Variants in MTMR1 observed in about 807,000 individuals in gnomAD.
MTMR1 encodes myotubularin related protein 1.
Under a neutral mutation model 51.6 loss-of-function variants are expected in MTMR1, and 17 were observed. The observed-to-expected ratio is 0.33, with a 90% CI of 0.23 to 0.49. The LOEUF (loss-of-function observed/expected upper bound fraction) is 0.49. Among genes scored for constraint, MTMR1 ranks in the 20% least tolerant of loss-of-function variants. The probability of loss-of-function intolerance (pLI) is 0.99; values close to 1 mark genes in which losing one functional copy is unlikely to be tolerated. For synonymous variants in MTMR1, 201 were observed against 205.6 expected, an observed-to-expected ratio of 0.98 and a Z score of 0.19; for missense variants, 386 against 526.9, an observed-to-expected ratio of 0.73 and a Z score of 2.62.
intron 13 of MTMR1, among the ~76,000 whole-genome samples, chrX:150,749,713 T>C (rs1021470304): frequency 2.7e-5 from 3 of 112,451 alleles, no homozygotes; most frequent in Admixed American, 9.4e-5. Context: ...ATTACAGTAA[T>C]TGATTTGTTT....
In MTMR1 at chrX:150,730,189, A is replaced by G. The variant is rs1557416924; in HGVS notation, c.636A>G (p.Ala212=). 2 of 1,200,079 alleles carry G rather than the reference A, an allele frequency of 1.7e-6. No homozygotes were observed. The highest frequency in any genetic ancestry group is 2.3e-6 in the Non-Finnish European group (2 of 888,478). ...LGIFENLNKH[A]FPLSNGQALF... ...TATTTGAAAACCTCAACAAACATGCATTTCCTCTTTCTAACGGACAGGTAA... is the reference window on the plus strand; with the variant it reads ...TATTTGAAAACCTCAACAAACATGCGTTTCCTCTTTCTAACGGACAGGTAA... The change falls in exon 7 of 16, where the codon GCA becomes GCG. Residue 212 remains alanine (A), a synonymous_variant. Coordinates refer to ENST00000445323, the MANE Select transcript of MTMR1 (RefSeq NM_001306144.3).
At chrX:150,723,275 C>T (rs2041813518) in intron 4 of MTMR1, among the ~76,000 whole-genome samples, 2 of 111,641 alleles carry the variant, frequency 1.8e-5, no homozygotes, top group African/African-American at 3.3e-5. Context: ...TGGGTTGGTT[C>T]CAAATCTTTG....
chrX:150,726,100 G>A (rs891923054), intron 4 of MTMR1, among the ~76,000 whole-genome samples: 1 of 111,990 alleles, frequency 8.9e-6, no homozygotes, highest in Non-Finnish European at 1.9e-5. Flanking sequence ...ACAGCAGGAG[G>A]TGAGCAGCGG....
intron 9 of MTMR1, among the ~76,000 whole-genome samples, chrX:150,731,837 A>G (rs2042127060): frequency 1.8e-5 from 2 of 112,124 alleles, no homozygotes; most frequent in Non-Finnish European, 3.8e-5. Flanking sequence ...ACTAAGTATA[A>G]GGGGAACTTC....
intron 10 of MTMR1, among the ~76,000 whole-genome samples, chrX:150,733,504 G>T (rs1181020108): frequency 1.8e-5 from 2 of 110,252 alleles, no homozygotes; most frequent in African/African-American, 6.6e-5. Context: ...TGACATCTCT[G>T]CTTGGCTGTT....
chrX:150,759,829 C>T lies in MTMR1; in HGVS notation c.1858-2736C>T, dbSNP rs144172467. 6.2e-3 allele frequency among the ~76,000 whole-genome samples: 675 copies of T among 109,636 alleles called. 14 individuals are homozygous for T. The highest frequency in any genetic ancestry group is 0.021 in the African/African-American group (647 of 30,762). On this transcript the variant is annotated intron_variant, in intron 15 of 15. Transcript: ENST00000445323. ...TCTGTACACACATGATCCCAGTTAA[C>T]GCTCCCAGCAATTCCACGACGTAGA...
chrX:150,713,735 A>G (rs1015239691), intron 3 of MTMR1, among the ~76,000 whole-genome samples: 1 of 112,198 alleles, frequency 8.9e-6, no homozygotes, highest in Non-Finnish European at 1.9e-5. Context: ...TCTATAAAGA[A>G]ATTAAGAACA....
intron 15 of MTMR1, among the ~76,000 whole-genome samples, chrX:150,760,152 G>C (rs1312343828): frequency 4.6e-5 from 5 of 109,052 alleles, no homozygotes; most frequent in African/African-American, 1.6e-4. Context: ...ATGGGCCGCA[G>C]CTTGTTATCC....
chrX:150,723,025 C>A (rs1407728571), intron 4 of MTMR1, among the ~76,000 whole-genome samples: 2 of 102,402 alleles, frequency 2.0e-5, no homozygotes, highest in Non-Finnish European at 4.0e-5. Flanking sequence ...ACAACAGTCC[C>A]CAGAGTGTGA....
rs1878626409 is a variant in MTMR1, at chrX:150,764,221, G to A, written c.*1492G>A. On this transcript the variant is annotated 3_prime_UTR_variant, in exon 16 of 16. Coordinates refer to ENST00000445323, the MANE Select transcript of MTMR1 (RefSeq NM_001306144.3). Reference sequence around the variant, plus strand: ...TTATTATTTTTGAAAATATGTTAAGGGTTTTTTCGTAGAGAGAGAAAGAAT... The same window carrying A: ...TTATTATTTTTGAAAATATGTTAAGAGTTTTTTCGTAGAGAGAGAAAGAAT... The A allele has an allele frequency of 8.9e-6, 1 of 112,128 alleles. No individual in the cohort carries two copies. The highest frequency in any genetic ancestry group is 3.7e-4 in the South Asian group (1 of 2,739). 9.2% of individuals were successfully genotyped at this position (112,128 alleles called of 1,213,427 possible). A position where few individuals can be genotyped will look rare whatever the true frequency, so the allele number is the denominator to read the frequency against.
intron 9 of MTMR1, 140 bp downstream of exon 9, chrX:150,731,759 T>C: frequency 2.1e-6 from 1 of 472,176 alleles, no homozygotes; most frequent in Admixed American, 4.8e-5. Context: ...ATACCTTTGA[T>C]TCTCAACAAA....
rs1455164882 is a variant in MTMR1, at chrX:150,764,269, C to T, written c.*1540C>T. 1.8e-5 allele frequency: 2 copies of T among 112,132 alleles called. No homozygotes were observed. The highest frequency in any genetic ancestry group is 6.5e-5 in the African/African-American group (2 of 30,827). 9.2% of individuals were successfully genotyped at this position (112,132 alleles called of 1,213,427 possible). ...AATGGATTTTTTTTTAACTGGGAACCTCCTGATTCTTACGGAAAATTATCC... is the reference window on the plus strand; with the variant it reads ...AATGGATTTTTTTTTAACTGGGAACTTCCTGATTCTTACGGAAAATTATCC... On this transcript the variant is annotated 3_prime_UTR_variant, in exon 16 of 16. Coordinates refer to ENST00000445323, the MANE Select transcript of MTMR1 (RefSeq NM_001306144.3).
At chrX:150,743,856 A>C (rs2042504257) in intron 12 of MTMR1, among the ~76,000 whole-genome samples, 1 of 112,768 alleles carries the variant, frequency 8.9e-6, no homozygotes, top group Non-Finnish European at 1.9e-5. Context: ...TACCATTTCA[A>C]GATTGAGTTG....
At chrX:150,695,449 G>A (rs1324384128) in intron 1 of MTMR1, among the ~76,000 whole-genome samples, 2 of 112,221 alleles carry the variant, frequency 1.8e-5, no homozygotes, top group African/African-American at 6.5e-5. Flanking sequence ...GTGGAGCGGA[G>A]GAGGGGAGAA....
chrX:150,755,953 A>ATATTAACATACCATACTGACC (rs1368226875), intron 15 of MTMR1, 88 bp downstream of exon 15: 12 of 759,931 alleles, frequency 1.6e-5, no homozygotes, highest in Non-Finnish European at 2.0e-5. Context: ...TTAATGGTAG[A>ATATTAACATACCATACTGACC]TATTAACATA....
chrX:150,707,756 A>T (rs915371735), intron 2 of MTMR1, among the ~76,000 whole-genome samples: 13 of 112,554 alleles, frequency 1.2e-4, no homozygotes, highest in Admixed American at 9.4e-5. Context: ...TTATGTTTGC[A>T]TAAAAACCTG....
chrX:150,698,698 A>G lies in MTMR1; in HGVS notation c.147-497A>G, dbSNP rs782197519. Among the ~76,000 whole-genome samples, 11 of 105,354 alleles carry G rather than the reference A, an allele frequency of 1.0e-4. No individual in the cohort carries two copies. The East Asian group carries it at 2.8e-3, about 26-fold the overall frequency. 91.5% of individuals were successfully genotyped at this position (105,354 alleles called of 115,157 possible). On this transcript the variant is annotated intron_variant, in intron 1 of 15. Coordinates refer to ENST00000445323, the MANE Select transcript of MTMR1 (RefSeq NM_001306144.3). ...CGCGCGCGCACACACACACACACAC[A>G]CACACACACACACACACACACACAC...
At chrX:150,703,234 T>TAACCA (rs2040980739) in intron 2 of MTMR1, among the ~76,000 whole-genome samples, 1 of 112,336 alleles carries the variant, frequency 8.9e-6, no homozygotes, top group Admixed American at 9.4e-5. Flanking sequence ...GATGGAGTAG[T>TAACCA]ACAAACAATA....
At chrX:150,694,081 C>T (rs1557415663) in intron 1 of MTMR1, among the ~76,000 whole-genome samples, 2 of 111,480 alleles carry the variant, frequency 1.8e-5, no homozygotes, top group Non-Finnish European at 3.8e-5. Flanking sequence ...CACCTTGCCT[C>T]GTGTGGTTTT....
Sources: allele counts gnomAD v4.1 joint callset (sites outside exome capture counted in the v4.1 genomes callset), GRCh38; gene constraint gnomAD v4.1.1; transcripts MANE v1.5; gene names NCBI Gene and HGNC (gene_info 2026-07-23, HGNC 2026-07-21).